Variants in CSMD1 observed in about 807,000 individuals in gnomAD.
The protein encoded by CSMD1 is CUB and sushi domain-containing protein 1.
In CSMD1, 213 loss-of-function variants were observed where a neutral mutation model predicts 417.5. That is an observed-to-expected ratio of 0.51 (90% CI 0.46 to 0.57). The LOEUF is 0.57. CSMD1 is among the 20% of genes least tolerant of loss of function. The pLI is 0.00. For missense variants in CSMD1, 6,923 were observed against 4,529.7 expected, an observed-to-expected ratio of 1.53 and a Z score of -15.17; for synonymous variants, 2,862 against 1,736.8, an observed-to-expected ratio of 1.65 and a Z score of -16.11.
chr8:4,803,817 A>T (rs972490011), intron 1 of CSMD1, among the ~76,000 whole-genome samples: 2 of 152,318 alleles, frequency 1.3e-5, no homozygotes, highest in Admixed American at 6.5e-5. Context: ...TTGAGCTCAT[A>T]GAATATCCTT....
chr8:4,344,660 G>C (rs13253947), intron 3 of CSMD1, among the ~76,000 whole-genome samples: 2 of 151,596 alleles, frequency 1.3e-5, no homozygotes, highest in Non-Finnish European at 2.9e-5. Flanking sequence ...CTCAAGAATT[G>C]AATCAATAAA....
intron 7 of CSMD1, among the ~76,000 whole-genome samples, chr8:3,627,036 T>C (rs553617653): frequency 3.2e-4 from 49 of 152,232 alleles, no homozygotes; most frequent in African/African-American, 1.1e-3. Flanking sequence ...AGTTTAGGCA[T>C]TTTTAAAGAG....
chr8:4,830,123 G>A (rs912062141), intron 1 of CSMD1, among the ~76,000 whole-genome samples: 1 of 152,128 alleles, frequency 6.6e-6, no homozygotes, highest in Non-Finnish European at 1.5e-5. Flanking sequence ...ACTCAGTTCT[G>A]CAAAGGCCCT....
chr8:3,417,638 G>A (rs1165356854), intron 12 of CSMD1, among the ~76,000 whole-genome samples: 3 of 151,852 alleles, frequency 2.0e-5, no homozygotes, highest in East Asian at 2.0e-4. Context: ...ATCAGTACAT[G>A]CTTCCATTTT....
At chr8:3,441,984 G>A (rs1469528713) in intron 12 of CSMD1, among the ~76,000 whole-genome samples, 2 of 151,934 alleles carry the variant, frequency 1.3e-5, no homozygotes, top group South Asian at 2.1e-4. Flanking sequence ...AAGATGTGGA[G>A]GCGGAAGACA....
intron 1 of CSMD1, among the ~76,000 whole-genome samples, chr8:4,657,687 C>A (rs1052586295): frequency 2.9e-5 from 4 of 139,486 alleles, no homozygotes; most frequent in Admixed American, 7.2e-5. Context: ...AAAACATTAA[C>A]AAAAAGAAAA....
At chr8:3,049,832 G>C (rs901401642) in intron 50 of CSMD1, among the ~76,000 whole-genome samples, 2 of 152,128 alleles carry the variant, frequency 1.3e-5, no homozygotes, top group Admixed American at 1.3e-4. Context: ...CTGGTGTGAG[G>C]TGTTGATAGT....
chr8:3,230,831 C>G (rs913570645), intron 26 of CSMD1, among the ~76,000 whole-genome samples: 2 of 152,084 alleles, frequency 1.3e-5, no homozygotes, highest in Non-Finnish European at 2.9e-5. Flanking sequence ...TATGGCCACC[C>G]TAATATTAAC....
chr8:4,236,932 C>G (rs1452356733), intron 3 of CSMD1, among the ~76,000 whole-genome samples: 1 of 152,176 alleles, frequency 6.6e-6, no homozygotes, highest in Non-Finnish European at 1.5e-5. Flanking sequence ...TAATCAGAAA[C>G]AAGTTCAAGT....
chr8:4,677,997 C>T lies in CSMD1; in HGVS notation c.86-40439G>A, dbSNP rs532877524. 1.8e-4 allele frequency among the ~76,000 whole-genome samples: 28 copies of T among 152,174 alleles called. No individual in the cohort carries two copies. In the South Asian group the frequency reaches 4.4e-3, roughly 24 times the overall value. On this transcript the variant is annotated intron_variant, in intron 1 of 69. Transcript: ENST00000635120. Reference sequence around the variant, plus strand: ...GCCTTCCATGGTTTGATGTCAGAGACAGTGATAAACAAACAAATATAAAAC... The same window carrying T: ...GCCTTCCATGGTTTGATGTCAGAGATAGTGATAAACAAACAAATATAAAAC...
At chr8:4,401,488 T>G (rs1804639339) in intron 3 of CSMD1, among the ~76,000 whole-genome samples, 1 of 152,122 alleles carries the variant, frequency 6.6e-6, no homozygotes, top group Non-Finnish European at 1.5e-5. Context: ...CACCATCCCC[T>G]CACCCAGAGA....
intron 5 of CSMD1, among the ~76,000 whole-genome samples, chr8:3,836,295 A>G (rs1354363940): frequency 6.6e-6 from 1 of 152,148 alleles, no homozygotes; most frequent in Non-Finnish European, 1.5e-5. Context: ...GAAGCTTGTA[A>G]CAAGTCAAAG....
intron 3 of CSMD1, among the ~76,000 whole-genome samples, chr8:4,253,203 G>GC (rs1563340063): frequency 6.6e-6 from 1 of 151,980 alleles, no homozygotes; most frequent in Non-Finnish European, 1.5e-5. Flanking sequence ...CTACGATCCC[G>GC]CCCCATTCCT....
At chr8:4,343,579 A>G (rs1164876567) in intron 3 of CSMD1, among the ~76,000 whole-genome samples, 2 of 152,148 alleles carry the variant, frequency 1.3e-5, no homozygotes, top group Non-Finnish European at 2.9e-5. Flanking sequence ...GAGCTGGAAT[A>G]AAGTATATTT....
chr8:4,704,948 G>C (rs1363447940), intron 1 of CSMD1, among the ~76,000 whole-genome samples: 2 of 152,138 alleles, frequency 1.3e-5, no homozygotes, highest in African/African-American at 4.8e-5. Context: ...GTATGGTTTG[G>C]CTCTGTGTCC....
rs59349269 is a variant in CSMD1 at position 4,604,410 on chromosome 8, T to TGTGTGTGTGC, written c.302+32931_302+32932insGCACACACAC. On this transcript the variant is annotated intron_variant, in intron 2 of 69. Coordinates refer to ENST00000635120, the MANE Select transcript of CSMD1 (RefSeq NM_033225.6). Reference sequence around the variant, plus strand: ...GTGTGTGTGTGTGTGTGTGTGTGTGTGCGCGTGCGTAAAGACTAGGATCTC... The same window carrying TGTGTGTGTGC: ...GTGTGTGTGTGTGTGTGTGTGTGTGTGTGTGTGTGCGCGCGTGCGTAAAGACTAGGATCTC... Among the ~76,000 whole-genome samples, 300 of 146,220 alleles carry TGTGTGTGTGC rather than the reference T, an allele frequency of 2.1e-3. 2 individuals carry two copies. The highest frequency in any genetic ancestry group is 7.2e-3 in the African/African-American group (288 of 39,876).
chr8:3,336,349 G>C, intron 23 of CSMD1, among the ~76,000 whole-genome samples: 1 of 152,140 alleles, frequency 6.6e-6, no homozygotes, highest in East Asian at 1.9e-4. Flanking sequence ...TATGCCAAGA[G>C]ACATGTGTCA....
At chr8:4,957,345 G>A (rs1273979809) in intron 1 of CSMD1, among the ~76,000 whole-genome samples, 1 of 152,182 alleles carries the variant, frequency 6.6e-6, no homozygotes, top group Admixed American at 6.5e-5. Context: ...GCAGAGAAGA[G>A]CACATTTGGC....
At chr8:4,078,266 T>A (rs911311805) in intron 3 of CSMD1, among the ~76,000 whole-genome samples, 3 of 152,110 alleles carry the variant, frequency 2.0e-5, no homozygotes, top group African/African-American at 7.2e-5. Context: ...CACTATGCAT[T>A]GATAATGCAG....
Sources: gnomAD v4.1 joint callset for allele counts (sites outside exome capture counted in the v4.1 genomes callset) on GRCh38, gnomAD v4.1.1 for gene constraint, MANE v1.5 for transcripts, NCBI Gene and HGNC (gene_info 2026-07-23, HGNC 2026-07-21) for gene names.